Variants in PARN observed in about 807,000 individuals in gnomAD.
The protein encoded by PARN is poly(A)-specific ribonuclease PARN.
In PARN, 71 loss-of-function variants were observed where a neutral mutation model predicts 102.8. That is an observed-to-expected ratio of 0.69 (90% CI 0.57 to 0.84). PARN has a LOEUF of 0.84. Among genes scored for constraint, PARN ranks in the 40% least tolerant of loss-of-function variants. The probability of loss-of-function intolerance (pLI) is 0.00; values close to 1 mark genes in which losing one functional copy is unlikely to be tolerated. For missense variants in PARN, 782 were observed against 760.9 expected (o/e 1.03, Z -0.33); for synonymous variants, 261 against 252.9 (o/e 1.03, Z -0.30).
intron 21 of PARN, among the ~76,000 whole-genome samples, chr16:14,505,496 C>A (rs1964848495): frequency 6.6e-6 from 1 of 152,086 alleles, no homozygotes; most frequent in African/African-American, 2.4e-5. Context: ...CACACACACA[C>A]ACACACATAC....
At position 14,436,742 on chromosome 16, in the gene PARN, A is replaced by G; in HGVS notation, c.1895T>C (p.Leu632Pro). 1 of 1,601,306 alleles carries G rather than the reference A, an allele frequency of 6.2e-7. No homozygotes were observed. Among genetic ancestry groups the G allele is most frequent in the Non-Finnish European group, 8.5e-7 (1 of 1,174,046 alleles). ...TTACCATGTGTCAGGAACTTCAAAG[A>G]GTGTGGCAGGGCTGTTCTTCGAGAT... ...GSISKNSPATLFEVPDTW is the reference protein window; with the variant it reads ...GSISKNSPATPFEVPDTW Residue 632 changes from leucine (L) to proline (P), a missense_variant, in exon 24 of 24, where the codon CTC becomes CCC. Physicochemically the swap from Leu to Pro is moderately conservative, Grantham distance 98. Coordinates refer to ENST00000437198, the MANE Select transcript of PARN (RefSeq NM_002582.4).
At chr16:14,489,437 CA>C (rs770783306) in intron 21 of PARN, among the ~76,000 whole-genome samples, 1,670 of 59,438 alleles carry the variant, frequency 0.028, 9 homozygotes, top group African/African-American at 0.059. Context: ...GAGAGAGACT[CA>C]AAAAAAAAAA....
At chr16:14,509,977 A>G (rs1213925744) in intron 21 of PARN, among the ~76,000 whole-genome samples, 1 of 152,208 alleles carries the variant, frequency 6.6e-6, no homozygotes, top group Non-Finnish European at 1.5e-5. Context: ...CTTTCGGTGG[A>G]GAGGACTAAA....
chr16:14,610,804 G>A lies in PARN; in HGVS notation c.394C>T (p.Pro132Ser). The A allele has an allele frequency of 6.2e-7, 1 of 1,604,614 alleles. No homozygotes were observed. Among genetic ancestry groups the A allele is most frequent in the Non-Finnish European group, 8.5e-7 (1 of 1,172,616 alleles). The change falls in exon 7 of 24, where the codon CCA becomes TCA. Residue 132 changes from proline (P) to serine (S), a missense_variant. By Grantham distance (74) the Pro-to-Ser change is moderately conservative (BLOSUM62 -1). Transcript: ENST00000437198. Reference protein sequence around the residue: ...DFNKVFRNGIPYLNQEEERQL... With the variant: ...DFNKVFRNGISYLNQEEERQL... Reference sequence around the variant, plus strand: ...CTTTCTTCTTCCTGATTTAAATATGGAATTCCTAAACACGATTTTAAAAAG... The same window carrying A: ...CTTTCTTCTTCCTGATTTAAATATGAAATTCCTAAACACGATTTTAAAAAG...
chr16:14,526,219 C>T (rs564538869), intron 21 of PARN, among the ~76,000 whole-genome samples: 128 of 149,742 alleles, frequency 8.5e-4, no homozygotes, highest in Non-Finnish European at 1.4e-3. Flanking sequence ...CTCTGTCACC[C>T]AGGCTGTAGG....
intron 6 of PARN, among the ~76,000 whole-genome samples, chr16:14,612,611 T>G (rs1971585419): frequency 6.6e-6 from 1 of 152,030 alleles, no homozygotes; most frequent in Admixed American, 6.6e-5. Flanking sequence ...CTTTTTTTTC[T>G]TTTTAGAACG....
chr16:14,538,199 G>A (rs946651662), intron 21 of PARN, among the ~76,000 whole-genome samples: 4 of 146,104 alleles, frequency 2.7e-5, no homozygotes, highest in Admixed American at 6.8e-5. Flanking sequence ...TGTTTTCCTT[G>A]TATTTTCAAA....
In PARN at chr16:14,593,062, A is replaced by G. The variant is rs146236860; in HGVS notation, c.918+239T>C. Among the ~76,000 whole-genome samples the G allele has an allele frequency of 0.028, 4,299 of 151,794 alleles. 82 individuals carry two copies. Among genetic ancestry groups the G allele is most frequent in the Non-Finnish European group, 0.041 (2,778 of 67,872 alleles). ...GAGGCAGGAGACTCGCTTGAACCCAAGAGGTGGAGGCTGCAGCAAGCCAAG... is the reference window on the plus strand; with the variant it reads ...GAGGCAGGAGACTCGCTTGAACCCAGGAGGTGGAGGCTGCAGCAAGCCAAG... On this transcript the variant is annotated intron_variant, in intron 13 of 23. Transcript: ENST00000437198.
intron 22 of PARN, among the ~76,000 whole-genome samples, chr16:14,469,671 T>C (rs1488491909): frequency 2.0e-5 from 3 of 150,896 alleles, no homozygotes; most frequent in Non-Finnish European, 2.9e-5. Context: ...TGCTGGCTTA[T>C]GATGTACTAG....
intron 5 of PARN, among the ~76,000 whole-genome samples, chr16:14,619,882 C>A (rs1016404249): frequency 6.7e-6 from 1 of 149,722 alleles, no homozygotes; most frequent in African/African-American, 2.5e-5. Flanking sequence ...CCCGCCTGAC[C>A]AACATGGTGA....
At chr16:14,454,305 TC>T (rs1037358300) in intron 22 of PARN, among the ~76,000 whole-genome samples, 10 of 152,110 alleles carry the variant, frequency 6.6e-5, no homozygotes, top group African/African-American at 2.4e-4. Context: ...ACATGGTGAA[TC>T]CCCACCTCTA....
chr16:14,594,010 T>G (rs566708994), intron 12 of PARN, among the ~76,000 whole-genome samples: 86 of 151,140 alleles, frequency 5.7e-4, no homozygotes, highest in Non-Finnish European at 1.1e-3. Flanking sequence ...AAAAAAAAAG[T>G]AAAATCTGAA....
chr16:14,556,992 T>C (rs1044339226), intron 18 of PARN, among the ~76,000 whole-genome samples: 2 of 152,140 alleles, frequency 1.3e-5, no homozygotes, highest in East Asian at 1.9e-4. Context: ...TCTTCCAAAA[T>C]GGGTACAAAG....
chr16:14,621,583 A>G (rs1972302105), intron 5 of PARN, among the ~76,000 whole-genome samples: 1 of 151,646 alleles, frequency 6.6e-6, no homozygotes. Context: ...GAGGCGAGGC[A>G]GGCAGATCAC....
intron 5 of PARN, among the ~76,000 whole-genome samples, chr16:14,622,264 T>A (rs1191247976): frequency 6.6e-6 from 1 of 152,144 alleles, no homozygotes; most frequent in Non-Finnish European, 1.5e-5. Context: ...CATCAAAACT[T>A]TAAATGCATA....
At position 14,617,211 on chromosome 16, in the gene PARN, T is replaced by C. The variant is rs528503469; in HGVS notation, c.388+379A>G. Among the ~76,000 whole-genome samples, 745 of 151,078 alleles carry C rather than the reference T, an allele frequency of 4.9e-3. 1 individual carries two copies. Among genetic ancestry groups the C allele is most frequent in the Non-Finnish European group, 8.4e-3 (567 of 67,710 alleles). ...CATCCTGGCTAACACGGTGAAACCC[T>C]GTCTCTACTAAAAATACAAAAAATT... On this transcript the variant is annotated intron_variant, in intron 6 of 23. Transcript: ENST00000437198.
At chr16:14,552,940 C>T (rs1405689653) in intron 20 of PARN, among the ~76,000 whole-genome samples, 1 of 151,744 alleles carries the variant, frequency 6.6e-6, no homozygotes, top group Non-Finnish European at 1.5e-5. Flanking sequence ...AAGAACGAAA[C>T]TCTGTCTCAA....
chr16:14,469,188 T>C (rs2151581995), intron 22 of PARN, among the ~76,000 whole-genome samples: 1 of 152,088 alleles, frequency 6.6e-6, no homozygotes, highest in East Asian at 1.9e-4. Flanking sequence ...TCCTAGCTAC[T>C]TGGGAGGCTG....
intron 18 of PARN, among the ~76,000 whole-genome samples, chr16:14,575,355 T>C (rs1969061320): frequency 6.6e-6 from 1 of 152,188 alleles, no homozygotes; most frequent in African/African-American, 2.4e-5. Flanking sequence ...GTTGTAACCC[T>C]GCAAAGCCAC....
Sources: gnomAD v4.1 joint callset for allele counts (sites outside exome capture counted in the v4.1 genomes callset) on GRCh38, gnomAD v4.1.1 for gene constraint, MANE v1.5 for transcripts, NCBI Gene and HGNC (gene_info 2026-07-23, HGNC 2026-07-21) for gene names.